Variants in SLC10A7 observed in about 807,000 individuals in gnomAD.
SLC10A7 encodes the protein sodium/bile acid cotransporter 7.
SLC10A7 carries 29 observed loss-of-function variants against 43.2 expected under a neutral mutation model. The observed-to-expected ratio is 0.67, with a 90% CI of 0.50 to 0.92. The LOEUF (loss-of-function observed/expected upper bound fraction) is 0.92. SLC10A7 is among the 40% of genes least tolerant of loss of function. The probability of loss-of-function intolerance (pLI) is 0.00; values close to 1 mark genes in which losing one functional copy is unlikely to be tolerated. For synonymous variants in SLC10A7, 152 were observed against 144.8 expected, an observed-to-expected ratio of 1.05 and a Z score of -0.35; for missense variants, 295 against 403.2, an observed-to-expected ratio of 0.73 and a Z score of 2.30.
intron 6 of SLC10A7, among the ~76,000 whole-genome samples, chr4:146,309,078 C>T (rs952725147): frequency 6.6e-6 from 1 of 152,064 alleles, no homozygotes; most frequent in Non-Finnish European, 1.5e-5. Context: ...GCACTCAGTC[C>T]TCTAGAATGT....
chr4:146,383,389 C>T (rs1737771191), intron 5 of SLC10A7, among the ~76,000 whole-genome samples: 1 of 152,144 alleles, frequency 6.6e-6, no homozygotes, highest in Non-Finnish European at 1.5e-5. Flanking sequence ...GAAACATCCT[C>T]TTCATTTGTA....
chr4:146,500,027 T>G (rs1475916096), intron 4 of SLC10A7, among the ~76,000 whole-genome samples: 2 of 152,200 alleles, frequency 1.3e-5, no homozygotes, highest in East Asian at 3.8e-4. Flanking sequence ...CATTTATCTC[T>G]AATCACAATA....
At position 146,256,395 on chromosome 4, in the gene SLC10A7, G is replaced by T; in HGVS notation, c.*96C>A. On this transcript the variant is annotated 3_prime_UTR_variant, in exon 12 of 12. Coordinates refer to ENST00000335472, the MANE Select transcript of SLC10A7 (RefSeq NM_001029998.6). ...ATTTTTGTGTAAAAAAATAAAATAT[G>T]CATTGAGGCAACATTCACAAGTACA... The T allele has an allele frequency of 2.6e-6, 3 of 1,139,050 alleles. No individual in the cohort carries two copies. Among genetic ancestry groups the T allele is most frequent in the Non-Finnish European group, 3.9e-6 (3 of 767,244 alleles). 70.6% of individuals were successfully genotyped at this position (1,139,050 alleles called of 1,614,324 possible).
At chr4:146,351,432 G>C (rs2149744607) in intron 5 of SLC10A7, among the ~76,000 whole-genome samples, 2 of 152,176 alleles carry the variant, frequency 1.3e-5, no homozygotes, top group East Asian at 3.9e-4. Context: ...AAGTGATGTG[G>C]AGAATGGAAC....
chr4:146,444,715 G>T (rs1730892069), intron 4 of SLC10A7, among the ~76,000 whole-genome samples: 2 of 152,142 alleles, frequency 1.3e-5, no homozygotes, highest in African/African-American at 4.8e-5. Context: ...ATTCTTAGTT[G>T]TTTGCCAACA....
At chr4:146,315,050 A>G (rs1464442280) in intron 6 of SLC10A7, among the ~76,000 whole-genome samples, 2 of 152,144 alleles carry the variant, frequency 1.3e-5, no homozygotes, top group African/African-American at 2.4e-5. Context: ...TCCTCTTCTT[A>G]GAGTAAGCAA....
intron 5 of SLC10A7, among the ~76,000 whole-genome samples, chr4:146,364,946 C>T (rs1356573398): frequency 1.3e-5 from 2 of 151,892 alleles, no homozygotes; most frequent in Non-Finnish European, 2.9e-5. Context: ...AAAAAATTTA[C>T]CAATACACAG....
chr4:146,414,929 T>C (rs978332416), intron 5 of SLC10A7, among the ~76,000 whole-genome samples: 4 of 151,948 alleles, frequency 2.6e-5, no homozygotes, highest in Non-Finnish European at 5.9e-5. Context: ...CTAATGAAAA[T>C]AGGACACAGT....
At chr4:146,383,348 C>T (rs773565336) in intron 5 of SLC10A7, among the ~76,000 whole-genome samples, 7 of 152,222 alleles carry the variant, frequency 4.6e-5, no homozygotes, top group Admixed American at 2.6e-4. Flanking sequence ...GGGAAAACCG[C>T]GGCTTTCTAA....
At position 146,355,905 on chromosome 4, in the gene SLC10A7, G is replaced by C. The variant is rs1419530054; in HGVS notation, c.436-29909C>G. Among the ~76,000 whole-genome samples the C allele has an allele frequency of 4.7e-5, 5 of 106,382 alleles. No individual in the cohort carries two copies. In the Admixed American group the frequency reaches 4.8e-4, roughly 10 times the overall value. The allele number at this position is 106,382 out of a possible 152,430, so 69.8% of individuals were successfully genotyped here. On this transcript the variant is annotated intron_variant, in intron 5 of 11. Coordinates refer to ENST00000335472, the MANE Select transcript of SLC10A7 (RefSeq NM_001029998.6). ...GGACTGTGGTGGGGTGGGGGGAGGG[G>C]GGAGGGATAGCACTGGGAGACATAC...
intron 9 of SLC10A7, among the ~76,000 whole-genome samples, chr4:146,285,227 G>A (rs1165028869): frequency 6.6e-6 from 1 of 152,112 alleles, no homozygotes; most frequent in Non-Finnish European, 1.5e-5. Flanking sequence ...GACATAAGTA[G>A]ATCCATTCTT....
At chr4:146,320,744 T>A (rs1732650427) in intron 6 of SLC10A7, among the ~76,000 whole-genome samples, 1 of 152,108 alleles carries the variant, frequency 6.6e-6, no homozygotes, top group South Asian at 2.1e-4. Context: ...GCTAACATTT[T>A]TTTTGGACTG....
chr4:146,489,555 T>A (rs575471176), intron 4 of SLC10A7, among the ~76,000 whole-genome samples: 1 of 152,342 alleles, frequency 6.6e-6, no homozygotes, highest in Non-Finnish European at 1.5e-5. Context: ...AAGAGCTTAT[T>A]GTGATTGAGG....
chr4:146,380,755 A>G (rs1394792924), intron 5 of SLC10A7, among the ~76,000 whole-genome samples: 2 of 152,154 alleles, frequency 1.3e-5, no homozygotes, highest in African/African-American at 2.4e-5. Flanking sequence ...ATATTATTGT[A>G]GGAATTTTTT....
chr4:146,520,532 A>C (rs1429060054), intron 1 of SLC10A7, among the ~76,000 whole-genome samples: 2 of 152,204 alleles, frequency 1.3e-5, no homozygotes, highest in Non-Finnish European at 2.9e-5. Context: ...GCTACTTCTA[A>C]ACAGAGTAAT....
At chr4:146,359,435 C>T (rs1221478402) in intron 5 of SLC10A7, among the ~76,000 whole-genome samples, 1 of 152,000 alleles carries the variant, frequency 6.6e-6, no homozygotes, top group Non-Finnish European at 1.5e-5. Flanking sequence ...GTTTTTGTGA[C>T]TTAAGATGTT....
chr4:146,492,499 C>G (rs1444452522), intron 4 of SLC10A7, among the ~76,000 whole-genome samples: 1 of 152,108 alleles, frequency 6.6e-6, no homozygotes, highest in East Asian at 1.9e-4. Flanking sequence ...TCCCAAGGAG[C>G]TGGGACCACA....
At position 146,294,535 on chromosome 4, in the gene SLC10A7, C is replaced by T. The variant is rs187212766; in HGVS notation, c.556-440G>A. On this transcript the variant is annotated intron_variant, in intron 7 of 11. Transcript: ENST00000335472. Reference sequence around the variant, plus strand: ...CAAGAATTTCAAGACAGTAGATAATCGAAAGTGATCCATGGAACATATTAA... The same window carrying T: ...CAAGAATTTCAAGACAGTAGATAATTGAAAGTGATCCATGGAACATATTAA... Among the ~76,000 whole-genome samples the T allele has an allele frequency of 2.6e-5, 4 of 152,190 alleles. No individual in the cohort carries two copies. In the South Asian group the frequency reaches 6.2e-4, roughly 24 times the overall value.
intron 5 of SLC10A7, among the ~76,000 whole-genome samples, chr4:146,383,485 A>C (rs956739384): frequency 6.6e-6 from 1 of 152,172 alleles, no homozygotes; most frequent in Non-Finnish European, 1.5e-5. Context: ...GCAATGGGAA[A>C]TCTCTAGACG....
Sources: allele counts gnomAD v4.1 joint callset (sites outside exome capture counted in the v4.1 genomes callset), GRCh38; gene constraint gnomAD v4.1.1; transcripts MANE v1.5; gene names NCBI Gene and HGNC (gene_info 2026-07-23, HGNC 2026-07-21).